EZR: variants seen among roughly 807,000 people sequenced by gnomAD.
The protein encoded by EZR is ezrin, also known as cytovillin 2.
A neutral mutation model predicts 74.8 loss-of-function variants in EZR; 40 were observed. The observed-to-expected ratio is 0.53, with a 90% CI of 0.42 to 0.70. EZR has a LOEUF of 0.70. Among genes scored for constraint, EZR ranks in the 30% least tolerant of loss-of-function variants. The pLI is 0.00. For missense variants in EZR, 678 were observed against 755.8 expected (o/e 0.90, Z 1.21); for synonymous variants, 341 against 283.3 (o/e 1.20, Z -2.05).
chr6:158,774,541 T>C (rs1791210474), intron 8 of EZR, among the ~76,000 whole-genome samples: 1 of 151,900 alleles, frequency 6.6e-6, no homozygotes, highest in Non-Finnish European at 1.5e-5. Flanking sequence ...ATGTTTCTTT[T>C]GCTTACGAGA....
At chr6:158,790,440 C>T (rs541101648) in intron 2 of EZR, among the ~76,000 whole-genome samples, 3 of 152,326 alleles carry the variant, frequency 2.0e-5, no homozygotes, top group East Asian at 1.9e-4. Context: ...TTCGGGAGGC[C>T]GAGGCAGGTG....
chr6:158,771,231 C>A lies in EZR; in HGVS notation c.959+13G>T. On this transcript the variant is annotated intron_variant, in intron 9 of 13. Coordinates refer to ENST00000367075, the MANE Select transcript of EZR (RefSeq NM_001111077.2). ...GAACACAGGCCCCCCCCACTCTGGCCTCACGCGCTCACCGCTCCAGCTGCT... is the reference window on the plus strand; with the variant it reads ...GAACACAGGCCCCCCCCACTCTGGCATCACGCGCTCACCGCTCCAGCTGCT... 6.2e-7 allele frequency: 1 copy of A among 1,603,820 alleles called. No individual in the cohort carries two copies. Among genetic ancestry groups the A allele is most frequent in the Middle Eastern group, 1.7e-4 (1 of 5,802 alleles).
chr6:158,793,857 T>C (rs1791805892), intron 2 of EZR, among the ~76,000 whole-genome samples: 1 of 152,196 alleles, frequency 6.6e-6, no homozygotes, highest in African/African-American at 2.4e-5. Flanking sequence ...TTCAATGTTA[T>C]AGATAAAATA....
chr6:158,801,157 A>G (rs1361445366), intron 2 of EZR, among the ~76,000 whole-genome samples: 1 of 152,096 alleles, frequency 6.6e-6, no homozygotes, highest in Admixed American at 6.5e-5. Context: ...TCGCTCTGTC[A>G]AGGCTGGAGT....
At chr6:158,787,836 G>A (rs1791624238) in intron 3 of EZR, among the ~76,000 whole-genome samples, 1 of 152,202 alleles carries the variant, frequency 6.6e-6, no homozygotes, top group African/African-American at 2.4e-5. Flanking sequence ...GGGACATTCT[G>A]ATACAGCAAA....
intron 2 of EZR, among the ~76,000 whole-genome samples, chr6:158,799,148 C>T (rs1777138436): frequency 6.6e-6 from 1 of 152,146 alleles, no homozygotes; most frequent in Admixed American, 6.5e-5. Flanking sequence ...TCATTTAAGA[C>T]ATATGGCCAG....
chr6:158,807,341 A>C (rs887662279), intron 2 of EZR, among the ~76,000 whole-genome samples: 4 of 151,798 alleles, frequency 2.6e-5, no homozygotes, highest in Non-Finnish European at 4.4e-5. Flanking sequence ...AACAAACAAA[A>C]AAGACAAGGC....
In EZR at chr6:158,784,742, G is replaced by GA. The variant is rs772403029; in HGVS notation, c.468-16dup. ...GGTCCATCACTCTGGAATGCAAAAG[G>GA]AAACAGCACTGTCATCCTTAAGGAA... is the stretch of plus-strand genomic sequence containing the variant. On this transcript the variant is annotated splice_polypyrimidine_tract_variant and intron_variant, in intron 5 of 13. Transcript: ENST00000367075. 20 of 1,611,702 alleles carry GA rather than the reference G, an allele frequency of 1.2e-5. No individual in the cohort carries two copies. Among genetic ancestry groups the GA allele is most frequent in the Non-Finnish European group, 1.5e-5 (18 of 1,177,896 alleles).
In EZR at chr6:158,767,303, G is replaced by A. The variant is rs1435588719; in HGVS notation, c.1554C>T (p.Ile518=). ...IRDDRNEEKR[I]TEAEKNERVQ... ...CACGCTCGTTCTTCTCTGCCTCAGT[G>A]ATGCGCTTCTCCTCATTGCGGTCAT... The change falls in exon 13 of 14, where the codon ATC becomes ATT. Residue 518 remains isoleucine, a synonymous_variant. Coordinates refer to ENST00000367075, the MANE Select transcript of EZR (RefSeq NM_001111077.2). 3.1e-6 allele frequency: 5 copies of A among 1,614,128 alleles called. No individual in the cohort carries two copies. The highest frequency in any genetic ancestry group is 1.3e-5 in the African/African-American group (1 of 75,050).
At chr6:158,816,906 T>C (rs1240953052) in intron 2 of EZR, among the ~76,000 whole-genome samples, 2 of 152,208 alleles carry the variant, frequency 1.3e-5, no homozygotes, top group East Asian at 3.9e-4. Context: ...GCCAACATGG[T>C]GAAACCCCCT....
At chr6:158,791,216 CA>C (rs1791736485) in intron 2 of EZR, among the ~76,000 whole-genome samples, 1 of 152,124 alleles carries the variant, frequency 6.6e-6, no homozygotes, top group African/African-American at 2.4e-5. Context: ...GATCTTGTTT[CA>C]AAAGTTTTCT....
intron 11 of EZR, 122 bp from the exon 12 acceptor site, chr6:158,769,540 C>G (rs1791030077): frequency 1.8e-6 from 2 of 1,082,268 alleles, no homozygotes; most frequent in South Asian, 2.8e-5. Flanking sequence ...CCCCGCCACC[C>G]CCACTCCATG....
At chr6:158,785,238 T>TA in intron 5 of EZR, 71 bp downstream of exon 5, 1 of 1,576,268 alleles carries the variant, frequency 6.3e-7, no homozygotes, top group Non-Finnish European at 8.6e-7. Flanking sequence ...ACTGTGCTTC[T>TA]AAGGCAATCA....
rs138705598 is a variant in EZR, at chr6:158,782,208, A to G, written c.698+1312T>C. Among the ~76,000 whole-genome samples, 245 of 152,076 alleles carry G rather than the reference A, an allele frequency of 1.6e-3. 2 individuals are homozygous for G. The highest frequency in any genetic ancestry group is 3.2e-3 in the Admixed American group (49 of 15,274). On this transcript the variant is annotated intron_variant, in intron 7 of 13. Coordinates refer to ENST00000367075, the MANE Select transcript of EZR (RefSeq NM_001111077.2). ...TGCAGTATCACCACGTGGGCCCCGGAGGTGAGAGGAGGTTGGGCACAGCTG... is the reference window on the plus strand; with the variant it reads ...TGCAGTATCACCACGTGGGCCCCGGGGGTGAGAGGAGGTTGGGCACAGCTG...
intron 6 of EZR, 126 bp downstream of exon 6, chr6:158,784,518 C>T (rs866932791): frequency 7.9e-6 from 6 of 763,918 alleles, no homozygotes; most frequent in Non-Finnish European, 1.3e-5. Context: ...ACTTTTAACT[C>T]GGTTCCCTCA....
In EZR at chr6:158,769,873, G is replaced by T. The variant is rs924800680; in HGVS notation, c.1162C>A (p.Arg388Ser). Reference sequence around the variant, plus strand: ...GCAGCCATACGGTCAGCCTCTAGGCGCTCGGCCTCCTCCTGTGCCCGCTTC... The same window carrying T: ...GCAGCCATACGGTCAGCCTCTAGGCTCTCGGCCTCCTCCTGTGCCCGCTTC... The part of the protein sequence containing the change: ...ERKRAQEEAE[R>S]LEADRMAALR... Residue 388 changes from arginine to serine, a missense_variant, in exon 11 of 14, where the codon CGC becomes AGC. Arg to Ser is a moderately radical substitution (Grantham distance 110). Around this residue, in one of 3 missense-constraint regions of EZR, gnomAD observed 342 missense variants for 341.2 expected, o/e 1.00. Transcript: ENST00000367075. 6.2e-7 allele frequency: 1 copy of T among 1,613,630 alleles called. No homozygotes were observed. The highest frequency in any genetic ancestry group is 1.1e-5 in the South Asian group (1 of 91,076).
chr6:158,797,566 G>C, intron 2 of EZR, among the ~76,000 whole-genome samples: 1 of 151,902 alleles, frequency 6.6e-6, no homozygotes, highest in Non-Finnish European at 1.5e-5. Flanking sequence ...GCCTTCTTCC[G>C]AAGGTGCCAC....
chr6:158,810,850 C>G (rs1244175697), intron 2 of EZR, among the ~76,000 whole-genome samples: 1 of 152,174 alleles, frequency 6.6e-6, no homozygotes, highest in Admixed American at 6.5e-5. Flanking sequence ...CTGATAAAAA[C>G]TTTGTCTCCG....
At chr6:158,801,302 AC>A (rs1318932142) in intron 2 of EZR, among the ~76,000 whole-genome samples, 1 of 152,058 alleles carries the variant, frequency 6.6e-6, no homozygotes, top group Non-Finnish European at 1.5e-5. Context: ...TTTGGTAGAG[AC>A]GGGGTTTCAC....
Sources: gnomAD v4.1 joint callset for allele counts (sites outside exome capture counted in the v4.1 genomes callset) on GRCh38, gnomAD v4.1.1 for gene constraint, gnomAD v4.1.1 regional missense constraint, MANE v1.5 for transcripts, NCBI Gene and HGNC (gene_info 2026-07-23, HGNC 2026-07-21) for gene names.